NEXN: variants seen among roughly 807,000 people sequenced by gnomAD.
NEXN encodes the protein nexilin F-actin binding protein.
NEXN carries 65 observed loss-of-function variants against 92.6 expected under a neutral mutation model. The ratio of observed to expected loss-of-function variants is 0.70; its 90% CI spans 0.57 to 0.86. NEXN has a LOEUF of 0.86. Ranked by LOEUF, NEXN falls within the 40% of genes least tolerant of loss-of-function variation. The pLI, the probability that NEXN is intolerant of heterozygous loss-of-function variation, is 0.00. For missense variants in NEXN, 778 were observed against 771.1 expected (o/e 1.01, Z -0.11); for synonymous variants, 254 against 242.5 (o/e 1.05, Z -0.44).
At chr1:77,933,160 T>G in intron 9 of NEXN, 122 bp from the exon 10 acceptor site, 2 of 703,760 alleles carry the variant, frequency 2.8e-6, no homozygotes, top group Non-Finnish European at 2.4e-6. Context: ...AAACTCCATC[T>G]CAAAAAACAA....
rs115020227 is a variant in NEXN, at chr1:77,939,799, G to T, written c.1474-2224G>T. 5.6e-3 allele frequency among the ~76,000 whole-genome samples: 849 copies of T among 152,310 alleles called. 2 individuals carry two copies. The highest frequency in any genetic ancestry group is 9.3e-3 in the Non-Finnish European group (635 of 68,028). ...TTTAAAAACTTGTTAGCGGCTGAGCGCGGTGGTTTATGCCTGTAATTCCCA... is the reference window on the plus strand; with the variant it reads ...TTTAAAAACTTGTTAGCGGCTGAGCTCGGTGGTTTATGCCTGTAATTCCCA... On this transcript the variant is annotated intron_variant, in intron 11 of 12. Transcript: ENST00000334785.
In NEXN at chr1:77,926,811, C is replaced by G. The variant is rs368545006; in HGVS notation, c.783C>G (p.Asn261Lys). Residue 261 changes from asparagine to lysine, a missense_variant, in exon 8 of 13, where the codon AAC becomes AAG. Physicochemically the swap from Asn to Lys is moderately conservative, Grantham distance 94. Coordinates refer to ENST00000334785, the MANE Select transcript of NEXN (RefSeq NM_144573.4). ...FEELERQRQE[N>K]RKKQAEEEAR... ...AACTGGAGCGACAAAGACAAGAAAACCGAAAGAAGCAAGCTGAAGAGGAAG... is the reference window on the plus strand; with the variant it reads ...AACTGGAGCGACAAAGACAAGAAAAGCGAAAGAAGCAAGCTGAAGAGGAAG... 4 of 1,613,624 alleles carry G rather than the reference C, an allele frequency of 2.5e-6. No homozygotes were observed. The African/African-American group carries it at 5.3e-5, about 22-fold the overall frequency.
intron 11 of NEXN, among the ~76,000 whole-genome samples, chr1:77,936,801 A>C (rs1429747865): frequency 1.3e-5 from 2 of 152,232 alleles, no homozygotes; most frequent in Non-Finnish European, 2.9e-5. Context: ...ATTTTGATCA[A>C]ATATTCAGCT....
chr1:77,909,025 G>T, intron 1 of NEXN, among the ~76,000 whole-genome samples: 1 of 152,136 alleles, frequency 6.6e-6, no homozygotes. Context: ...CATAAATCTT[G>T]ACAATCTATT....
Position 77,942,725 on chromosome 1 carries a change from C to G in NEXN, c.1924C>G (p.Pro642Ala), listed in dbSNP as rs1222507869. Residue 642 changes from proline to alanine, a missense_variant, in exon 13 of 13, where the codon CCA (proline) becomes GCA (alanine). By Grantham distance (27) the Pro-to-Ala change is conservative. Around this residue, in one of 3 missense-constraint regions of NEXN, gnomAD observed 532 missense variants for 476.7 expected, o/e 1.12. Coordinates refer to ENST00000334785, the MANE Select transcript of NEXN (RefSeq NM_144573.4). The part of the protein sequence containing the change: ...ERGETYCLYL[P>A]ETFPEDGGEY... ...GGGAGAAACTTACTGCCTTTACTTA[C>G]CAGAAACTTTCCCAGAAGATGGAGG... 5.0e-6 allele frequency: 8 copies of G among 1,613,640 alleles called. No homozygotes were observed. The South Asian group carries it at 6.6e-5, about 13-fold the overall frequency.
intron 11 of NEXN, 77 bp from the exon 12 acceptor site, chr1:77,941,945 TA>T: frequency 7.0e-7 from 1 of 1,426,494 alleles, no homozygotes; most frequent in South Asian, 1.2e-5. Flanking sequence ...TTTGTGCTTC[TA>T]AACACCTTTA....
intron 5 of NEXN, among the ~76,000 whole-genome samples, chr1:77,922,433 A>C (rs1370743594): frequency 6.6e-6 from 1 of 151,928 alleles, no homozygotes. Context: ...CTGGCCTAAA[A>C]AGAGAAGTCT....
At chr1:77,908,394 ATTT>A (rs34361411) in intron 1 of NEXN, among the ~76,000 whole-genome samples, 22 of 36,326 alleles carry the variant, frequency 6.1e-4, no homozygotes, top group African/African-American at 2.0e-3. Context: ...CCCTACCTCT[ATTT>A]TTTTTTTTTT....
At chr1:77,896,286 C>A (rs1172490663) in intron 1 of NEXN, among the ~76,000 whole-genome samples, 1 of 152,040 alleles carries the variant, frequency 6.6e-6, no homozygotes, top group African/African-American at 2.4e-5. Flanking sequence ...TTAATGGTAA[C>A]CCTGTTCACC....
At chr1:77,937,847 C>T (rs929336943) in intron 11 of NEXN, among the ~76,000 whole-genome samples, 1 of 151,990 alleles carries the variant, frequency 6.6e-6, no homozygotes, top group African/African-American at 2.4e-5. Flanking sequence ...GGATAGAAAA[C>T]AATTATCAGG....
intron 5 of NEXN, among the ~76,000 whole-genome samples, chr1:77,919,623 G>A (rs1169295548): frequency 8.7e-5 from 12 of 138,428 alleles, no homozygotes; most frequent in African/African-American, 2.2e-4. Flanking sequence ...TGCTCTTGTC[G>A]CCCAGGCTGG....
Position 77,943,167 on chromosome 1 carries a change from C to CT in NEXN, c.*339dup. The CT allele has an allele frequency of 3.0e-6, 1 of 332,518 alleles. No homozygotes were observed. Among genetic ancestry groups the CT allele is most frequent in the Non-Finnish European group, 5.9e-6 (1 of 170,556 alleles). 20.6% of individuals were successfully genotyped at this position (332,518 alleles called of 1,614,324 possible). On this transcript the variant is annotated 3_prime_UTR_variant, in exon 13 of 13. Coordinates refer to ENST00000334785, the MANE Select transcript of NEXN (RefSeq NM_144573.4). ...TATGGGGGGGAATTACTCAATTATT[C>CT]TATCAGAACCTATTATAAAGACTGT...
intron 8 of NEXN, among the ~76,000 whole-genome samples, chr1:77,927,825 T>G (rs956023670): frequency 6.6e-6 from 1 of 151,832 alleles, no homozygotes; most frequent in Non-Finnish European, 1.5e-5. Flanking sequence ...ACTTCCACAA[T>G]GACTTGGATT....
At chr1:77,906,994 GTGT>G (rs1182495476) in intron 1 of NEXN, among the ~76,000 whole-genome samples, 2 of 152,178 alleles carry the variant, frequency 1.3e-5, no homozygotes, top group African/African-American at 4.8e-5. Flanking sequence ...TTACCTTGAA[GTGT>G]TGTTGTAGGA....
intron 1 of NEXN, among the ~76,000 whole-genome samples, chr1:77,898,491 A>T (rs959389565): frequency 6.6e-6 from 1 of 152,196 alleles, no homozygotes; most frequent in Non-Finnish European, 1.5e-5. Context: ...CCTTCCTTAT[A>T]CCTTGTAGAA....
chr1:77,900,654 T>C (rs1457147297), intron 1 of NEXN, among the ~76,000 whole-genome samples: 1 of 152,190 alleles, frequency 6.6e-6, no homozygotes, highest in Non-Finnish European at 1.5e-5. Context: ...TGGATACATA[T>C]TCGTCTTCAT....
At chr1:77,902,668 T>C (rs1647815954) in intron 1 of NEXN, among the ~76,000 whole-genome samples, 1 of 152,206 alleles carries the variant, frequency 6.6e-6, no homozygotes, top group African/African-American at 2.4e-5. Context: ...GTTCATTGTA[T>C]TAGTCTCTTT....
In NEXN at chr1:77,918,165, A is replaced by G. The variant is rs750084351; in HGVS notation, c.339A>G (p.Arg113=). ...GATTTGCTGAAATGGAGAAACAAAG[A>G]CAAGAGGAACAAAGGAAGAGAACGG... ...KGRFAEMEKQ[R]QEEQRKRTEE... is the part of the protein sequence containing the mutation. The change falls in exon 5 of 13, where the codon AGA becomes AGG. Residue 113 remains arginine, a synonymous_variant. Coordinates refer to ENST00000334785, the MANE Select transcript of NEXN (RefSeq NM_144573.4). 2 of 1,614,098 alleles carry G rather than the reference A, an allele frequency of 1.2e-6. No individual in the cohort carries two copies. Among genetic ancestry groups the G allele is most frequent in the East Asian group, 4.5e-5 (2 of 44,862 alleles).
Position 77,943,247 on chromosome 1 carries a change from A to C in NEXN, c.*418A>C, listed in dbSNP as rs886046539. On this transcript the variant is annotated 3_prime_UTR_variant, in exon 13 of 13. Transcript: ENST00000334785. ...TTTAAAAAACAAAAACAAAAAAAAAACACACAAACCTAAGTAGAATACATT... is the reference window on the plus strand; with the variant it reads ...TTTAAAAAACAAAAACAAAAAAAAACCACACAAACCTAAGTAGAATACATT... The C allele has an allele frequency of 4.2e-4, 95 of 224,552 alleles. No individual in the cohort carries two copies. Among genetic ancestry groups the C allele is most frequent in the South Asian group, 1.1e-3 (19 of 17,628 alleles). The allele number at this position is 224,552 out of a possible 1,614,324, so 13.9% of individuals were successfully genotyped here.
Sources: allele counts gnomAD v4.1 joint callset (sites outside exome capture counted in the v4.1 genomes callset), GRCh38; gene constraint gnomAD v4.1.1; regional missense constraint gnomAD v4.1.1; transcripts MANE v1.5; gene names NCBI Gene and HGNC (gene_info 2026-07-23, HGNC 2026-07-21).